Variants in MAGI1 observed in about 807,000 individuals in gnomAD.
MAGI1 encodes the protein membrane associated guanylate kinase, WW and PDZ domain containing 1, also known as membrane-associated guanylate kinase, WW and PDZ domain-containing protein 1.
Under a neutral mutation model 139.9 loss-of-function variants are expected in MAGI1, and 58 were observed. The ratio of observed to expected loss-of-function variants is 0.41; its 90% CI spans 0.34 to 0.52. The LOEUF is 0.52. Ranked by LOEUF, MAGI1 falls within the 20% of genes least tolerant of loss-of-function variation. The pLI, the probability that MAGI1 is intolerant of heterozygous loss-of-function variation, is 0.12. For missense variants in MAGI1, 1,874 were observed against 1,901.6 expected, an observed-to-expected ratio of 0.99 and a Z score of 0.27; for synonymous variants, 812 against 737.9, an observed-to-expected ratio of 1.10 and a Z score of -1.63.
intron 2 of MAGI1, among the ~76,000 whole-genome samples, chr3:65,584,921 C>T (rs550084219): frequency 2.0e-5 from 3 of 152,272 alleles, no homozygotes; most frequent in African/African-American, 7.2e-5. Context: ...CAACAAGGAC[C>T]CGCATTCAGG....
In MAGI1 at chr3:66,013,008, T is replaced by C. The variant is rs539350007; in HGVS notation, c.313+24988A>G. On this transcript the variant is annotated intron_variant, in intron 1 of 22. Transcript: ENST00000402939. ...AGTTTGCATGTAGCTCATTTAATCA[T>C]TTTAACTCCTATTGTGTCTAAATTT... 5.3e-5 allele frequency among the ~76,000 whole-genome samples: 8 copies of C among 152,320 alleles called. No individual in the cohort carries two copies. The South Asian group carries it at 8.3e-4, about 16-fold the overall frequency.
chr3:65,401,382 A>ACC, intron 13 of MAGI1, 57 bp downstream of exon 13: 5 of 404,306 alleles, frequency 1.2e-5, no homozygotes, highest in East Asian at 5.8e-5. Flanking sequence ...TCCCACCTCC[A>ACC]GCCCCCCACC....
chr3:65,409,967 T>C (rs1019945668), intron 12 of MAGI1, among the ~76,000 whole-genome samples: 8 of 152,212 alleles, frequency 5.3e-5, no homozygotes, highest in African/African-American at 1.9e-4. Context: ...CATAGTCTAA[T>C]AAATATGTCC....
chr3:65,631,723 G>T (rs115441421), intron 1 of MAGI1, among the ~76,000 whole-genome samples: 2,314 of 152,170 alleles, frequency 0.015, 60 homozygotes, highest in African/African-American at 0.052. Context: ...CATGTTAATA[G>T]ACATTTGTGG....
At chr3:65,619,071 T>C (rs1408855512) in intron 2 of MAGI1, among the ~76,000 whole-genome samples, 2 of 152,224 alleles carry the variant, frequency 1.3e-5, no homozygotes, top group Non-Finnish European at 2.9e-5. Flanking sequence ...TAATAATAAC[T>C]GTAACAAAAA....
chr3:65,396,630 G>T (rs1944411883), intron 13 of MAGI1, among the ~76,000 whole-genome samples: 1 of 152,192 alleles, frequency 6.6e-6, no homozygotes, highest in Non-Finnish European at 1.5e-5. Context: ...ATGATGAAAA[G>T]AATTCATGTG....
chr3:65,795,359 A>G (rs1242999436), intron 1 of MAGI1, among the ~76,000 whole-genome samples: 1 of 152,170 alleles, frequency 6.6e-6, no homozygotes, highest in Non-Finnish European at 1.5e-5. Context: ...AGCAATTTTT[A>G]AAAATGAACT....
At chr3:65,455,036 T>C (rs1006418249) in intron 5 of MAGI1, among the ~76,000 whole-genome samples, 4 of 152,260 alleles carry the variant, frequency 2.6e-5, no homozygotes, top group East Asian at 1.9e-4. Flanking sequence ...GAATCCACAG[T>C]CTGCACTACT....
At chr3:65,549,006 T>C (rs2079667636) in intron 2 of MAGI1, among the ~76,000 whole-genome samples, 2 of 152,146 alleles carry the variant, frequency 1.3e-5, no homozygotes, top group Non-Finnish European at 2.9e-5. Flanking sequence ...ACCCTGGCCC[T>C]AGGCGGAACG....
intron 2 of MAGI1, among the ~76,000 whole-genome samples, chr3:65,509,759 G>C (rs543021851): frequency 6.6e-6 from 1 of 152,184 alleles, no homozygotes; most frequent in Admixed American, 6.5e-5. Flanking sequence ...GCTTGCTTAG[G>C]TAAACAAAGC....
chr3:65,593,168 C>CT (rs141924664), intron 2 of MAGI1, among the ~76,000 whole-genome samples: 56,295 of 151,828 alleles, frequency 0.37, 11,787 homozygotes, highest in East Asian at 0.66. Flanking sequence ...TGTTTACAGA[C>CT]TTTTTTGGCT....
chr3:65,764,046 T>C (rs1259061793), intron 1 of MAGI1, among the ~76,000 whole-genome samples: 2 of 141,230 alleles, frequency 1.4e-5, no homozygotes, highest in Non-Finnish European at 3.0e-5. Context: ...CACTCCAGCA[T>C]GGATGACAGA....
intron 1 of MAGI1, among the ~76,000 whole-genome samples, chr3:65,888,422 A>G (rs1320285490): frequency 1.3e-5 from 2 of 152,232 alleles, no homozygotes; most frequent in Non-Finnish European, 2.9e-5. Context: ...CAAGAGGCCC[A>G]TTATAAACCT....
chr3:65,619,906 G>A, intron 2 of MAGI1: 5 of 984,978 alleles, frequency 5.1e-6, no homozygotes, highest in Non-Finnish European at 6.0e-6. Context: ...CTGATTTACT[G>A]GTTTCACAGC....
At chr3:65,602,397 T>C (rs563577780) in intron 2 of MAGI1, among the ~76,000 whole-genome samples, 3 of 152,264 alleles carry the variant, frequency 2.0e-5, no homozygotes, top group Admixed American at 1.3e-4. Context: ...TGATACGACA[T>C]GGATAAACCT....
intron 1 of MAGI1, among the ~76,000 whole-genome samples, chr3:66,031,363 G>C (rs1259491822): frequency 1.3e-5 from 2 of 152,172 alleles, no homozygotes; most frequent in Non-Finnish European, 2.9e-5. Flanking sequence ...GGAGATGTCA[G>C]AATGTTTTCT....
intron 3 of MAGI1, among the ~76,000 whole-genome samples, chr3:65,489,341 C>A (rs1183331925): frequency 1.3e-5 from 2 of 152,080 alleles, no homozygotes; most frequent in East Asian, 3.9e-4. Context: ...AAAGTCTGAC[C>A]TGAAATAAAT....
At chr3:65,552,979 C>G (rs187057827) in intron 2 of MAGI1, among the ~76,000 whole-genome samples, 4 of 152,118 alleles carry the variant, frequency 2.6e-5, no homozygotes, top group Non-Finnish European at 5.9e-5. Context: ...GAGGTTTTTG[C>G]TGATCTGTTC....
intron 1 of MAGI1, among the ~76,000 whole-genome samples, chr3:65,925,796 C>CA (rs1158318273): frequency 6.6e-6 from 1 of 152,182 alleles, no homozygotes; most frequent in East Asian, 1.9e-4. Flanking sequence ...CCTCTCACCT[C>CA]AGCCTCCTGA....
Sources: allele counts gnomAD v4.1 joint callset (sites outside exome capture counted in the v4.1 genomes callset), GRCh38; gene constraint gnomAD v4.1.1; transcripts MANE v1.5; gene names NCBI Gene and HGNC (gene_info 2026-07-23, HGNC 2026-07-21).